GSE1: variants seen among roughly 807,000 people sequenced by gnomAD.
GSE1 encodes Gse1 coiled-coil protein.
GSE1 carries 32 observed loss-of-function variants against 112.6 expected under a neutral mutation model. The ratio of observed to expected loss-of-function variants is 0.28; its 90% CI spans 0.21 to 0.38. The LOEUF (loss-of-function observed/expected upper bound fraction) is 0.38. Ranked by LOEUF, GSE1 falls within the 10% of genes least tolerant of loss-of-function variation. The pLI is 1.00. For synonymous variants in GSE1, 1,115 were observed against 735.6 expected (o/e 1.52, Z -8.35); for missense variants, 2,348 against 1,699.2 (o/e 1.38, Z -6.71).
chr16:85,229,791 A>G (rs1391923061), intron 1 of GSE1, among the ~76,000 whole-genome samples: 1 of 152,210 alleles, frequency 6.6e-6, no homozygotes, highest in African/African-American at 2.4e-5. Flanking sequence ...TCCAAATGTG[A>G]TTCTCTTGGT....
intron 1 of GSE1, among the ~76,000 whole-genome samples, chr16:85,246,256 TACACACAC>T (rs560365750): frequency 2.3e-5 from 2 of 86,998 alleles, no homozygotes; most frequent in African/African-American, 5.1e-5. Flanking sequence ...ACACGCTGTC[TACACACAC>T]ACACACACAC....
intron 1 of GSE1, among the ~76,000 whole-genome samples, chr16:85,200,117 C>A: frequency 6.6e-6 from 1 of 152,114 alleles, no homozygotes; most frequent in Middle Eastern, 3.2e-3. Context: ...TTTTCCTTCA[C>A]CCGCTTGCTG....
chr16:85,550,828 T>TG (rs1165908129), intron 2 of GSE1, among the ~76,000 whole-genome samples: 1 of 152,066 alleles, frequency 6.6e-6, no homozygotes, highest in Non-Finnish European at 1.5e-5. Flanking sequence ...TGGTGTTGGG[T>TG]GGGGGGCTGC....
upstream of GSE1, among the ~76,000 whole-genome samples, chr16:85,606,816 T>G (rs1157140051): frequency 6.6e-6 from 1 of 152,090 alleles, no homozygotes; most frequent in East Asian, 1.9e-4. Flanking sequence ...GGGGTATGTG[T>G]GGGGGGTGCT....
chr16:85,613,461 C>T (rs544189275), intron 1 of GSE1, 63 bp downstream of exon 1: 26 of 1,426,368 alleles, frequency 1.8e-5, no homozygotes, highest in Middle Eastern at 1.8e-4. Flanking sequence ...CACTGTCCTC[C>T]TGCAAGTTCG....
intron 8 of GSE1, among the ~76,000 whole-genome samples, chr16:85,657,869 A>T (rs2052101430): frequency 1.3e-5 from 2 of 152,196 alleles, no homozygotes. Flanking sequence ...GGCACTGCAC[A>T]CGCAGCCTGA....
intron 1 of GSE1, among the ~76,000 whole-genome samples, chr16:85,336,451 C>CA (rs2046487137): frequency 6.6e-6 from 1 of 152,200 alleles, no homozygotes; most frequent in Non-Finnish European, 1.5e-5. Context: ...GGGGCAGAAT[C>CA]AGAGGTGCAG....
intron 13 of GSE1, among the ~76,000 whole-genome samples, chr16:85,666,806 C>A (rs956109450): frequency 6.6e-6 from 1 of 152,266 alleles, no homozygotes; most frequent in African/African-American, 2.4e-5. Flanking sequence ...CTAAAGATGT[C>A]ACCACCAGCC....
chr16:85,515,436 C>T (rs564261333), intron 2 of GSE1, among the ~76,000 whole-genome samples: 25 of 152,294 alleles, frequency 1.6e-4, no homozygotes, highest in South Asian at 1.0e-3. Context: ...TCTTTAGCTT[C>T]GGGGCCTGGG....
In GSE1 at chr16:85,486,678, C is replaced by T. The variant is rs996231184; in HGVS notation, c.2464+129035C>T. Among the ~76,000 whole-genome samples, 25 of 152,252 alleles carry T rather than the reference C, an allele frequency of 1.6e-4. No homozygotes were observed. The East Asian group carries it at 3.7e-3, about 22-fold the overall frequency. The stretch of plus-strand genomic sequence containing the variant: ...GCCCTGGCGAGGATGGTGGGAGCGC[C>T]GTCCCGCCCTCTCTCCTGCCGCCTC... On this transcript the variant is annotated intron_variant, in intron 2 of 2. Coordinates refer to the GSE1 transcript ENST00000637419.
At chr16:85,656,142 G>A (rs765265994) in intron 6 of GSE1, among the ~76,000 whole-genome samples, 70 of 152,144 alleles carry the variant, frequency 4.6e-4, no homozygotes, top group African/African-American at 1.4e-3. Flanking sequence ...AGGAGCTCTC[G>A]GGCGTGCTTG....
Position 85,654,800 on chromosome 16 carries a change from G to A in GSE1, c.606G>A (p.Gln202=), listed in dbSNP as rs775007161. 6 of 1,609,584 alleles carry A rather than the reference G, an allele frequency of 3.7e-6. No homozygotes were observed. Among genetic ancestry groups the A allele is most frequent in the Non-Finnish European group, 3.4e-6 (4 of 1,178,024 alleles). The change falls in exon 5 of 16, where the codon CAG becomes CAA. Residue 202 remains glutamine (Q), a synonymous_variant. Coordinates refer to ENST00000253458, the MANE Select transcript of GSE1 (RefSeq NM_014615.5). ...QDSRFPPLNL[Q]RPVHHVVPPS... ...CCACTATCCCCGCCTGCAGCCTCCA[G>A]CGGCCCGTGCACCACGTGGTGCCCC... is the stretch of plus-strand genomic sequence containing the variant.
chr16:85,650,255 C>T (rs913613283), intron 3 of GSE1, among the ~76,000 whole-genome samples: 2 of 152,148 alleles, frequency 1.3e-5, no homozygotes, highest in African/African-American at 4.8e-5. Context: ...GGAGTTGTTA[C>T]CAGCTCCGCT....
intron 1 of GSE1, among the ~76,000 whole-genome samples, chr16:85,576,681 A>C (rs2046240293): frequency 6.6e-6 from 1 of 152,182 alleles, no homozygotes; most frequent in African/African-American, 2.4e-5. Context: ...TTCTTGATGT[A>C]GAGTTTTAGA....
At chr16:85,520,007 T>C (rs1031805958) in intron 2 of GSE1, among the ~76,000 whole-genome samples, 1 of 152,074 alleles carries the variant, frequency 6.6e-6, no homozygotes, top group African/African-American at 2.4e-5. Context: ...TCTGGGTGCA[T>C]AGGGAGGCCC....
chr16:85,538,786 C>A (rs568907015), intron 2 of GSE1, among the ~76,000 whole-genome samples: 162 of 152,324 alleles, frequency 1.1e-3, no homozygotes, highest in Non-Finnish European at 1.6e-3. Context: ...TCTGGACACC[C>A]AGGATTTAAG....
chr16:85,501,157 C>A (rs1157137383), intron 2 of GSE1, among the ~76,000 whole-genome samples: 1 of 151,578 alleles, frequency 6.6e-6, no homozygotes, highest in Non-Finnish European at 1.5e-5. Flanking sequence ...CCCCCCACCA[C>A]GCCCAGCTAA....
chr16:85,652,887 G>T (rs927418481), intron 3 of GSE1, among the ~76,000 whole-genome samples: 2 of 151,976 alleles, frequency 1.3e-5, no homozygotes, highest in Admixed American at 1.3e-4. Flanking sequence ...AGGCAGAGCG[G>T]GGCTGGTGCT....
intron 2 of GSE1, among the ~76,000 whole-genome samples, chr16:85,392,084 C>T (rs1487591458): frequency 6.6e-6 from 1 of 152,178 alleles, no homozygotes; most frequent in African/African-American, 2.4e-5. Flanking sequence ...GCCTCACCCC[C>T]CACTCCCTCC....
Sources: allele counts gnomAD v4.1 joint callset (sites outside exome capture counted in the v4.1 genomes callset), GRCh38; gene constraint gnomAD v4.1.1; transcripts MANE v1.5; gene names NCBI Gene and HGNC (gene_info 2026-07-23, HGNC 2026-07-21).